BACH1: variants seen among roughly 807,000 people sequenced by gnomAD.
BACH1 encodes the protein BTB domain and CNC homolog 1.
BACH1 carries 35 observed loss-of-function variants against 52.9 expected under a neutral mutation model. That is an observed-to-expected ratio of 0.66 (90% CI 0.51 to 0.88). The LOEUF (loss-of-function observed/expected upper bound fraction) is 0.88. Among genes scored for constraint, BACH1 ranks in the 40% least tolerant of loss-of-function variants. BACH1 has a pLI of 0.00. For synonymous variants in BACH1, 321 were observed against 319.6 expected (o/e 1.00, Z -0.05); for missense variants, 808 against 872.6 (o/e 0.93, Z 0.93).
intron 4 of BACH1, among the ~76,000 whole-genome samples, chr21:29,338,865 T>C (rs1312531759): frequency 6.6e-6 from 1 of 152,196 alleles, no homozygotes; most frequent in Non-Finnish European, 1.5e-5. Context: ...TAAAAATGTG[T>C]TAACATTTTA....
At chr21:29,303,825 A>G (rs1185074961) in intron 1 of BACH1, among the ~76,000 whole-genome samples, 4 of 149,908 alleles carry the variant, frequency 2.7e-5, no homozygotes, top group East Asian at 1.9e-4. Context: ...AAAATATTCA[A>G]ATATTCATAG....
downstream of BACH1, among the ~76,000 whole-genome samples, chr21:29,350,814 G>A (rs751696781): frequency 4.6e-5 from 7 of 152,146 alleles, no homozygotes; most frequent in South Asian, 2.1e-4. Flanking sequence ...AAGGAATTAC[G>A]TGGAGGCAGA....
intron 4 of BACH1, among the ~76,000 whole-genome samples, chr21:29,341,534 C>T (rs2123474814): frequency 6.6e-6 from 1 of 152,246 alleles, no homozygotes; most frequent in East Asian, 1.9e-4. Context: ...TGATAAGTGA[C>T]ATGGACAGGA....
chr21:29,342,701 G>A lies in BACH1; in HGVS notation c.2079G>A (p.Ala693=), dbSNP rs773179436. ...CARGNSEPGY[A]RGQESQQMST... is the part of the protein sequence containing the mutation. ...GAGGAAACAGTGAGCCTGGCTACGC[G>A]CGAGGGCAGGAGTCCCAGCAGATGT... Residue 693 remains alanine, a synonymous_variant, in exon 5 of 5, where the codon GCG becomes GCA. Coordinates refer to ENST00000286800, the MANE Select transcript of BACH1 (RefSeq NM_001186.4). 15 of 1,614,084 alleles carry A rather than the reference G, an allele frequency of 9.3e-6. No individual in the cohort carries two copies. The highest frequency in any genetic ancestry group is 6.7e-5 in the African/African-American group (5 of 74,940).
downstream of BACH1, among the ~76,000 whole-genome samples, chr21:29,348,981 C>G (rs1336958436): frequency 1.3e-5 from 2 of 151,982 alleles, no homozygotes; most frequent in Non-Finnish European, 2.9e-5. Context: ...GTAGTCCCAG[C>G]TACTCAGGAG....
At chr21:29,302,165 C>A (rs768721016) in intron 1 of BACH1, among the ~76,000 whole-genome samples, 8 of 152,170 alleles carry the variant, frequency 5.3e-5, no homozygotes, top group Admixed American at 6.5e-5. Context: ...ATTCCCTGAG[C>A]ATTCTAGACA....
intron 4 of BACH1, among the ~76,000 whole-genome samples, chr21:29,332,097 T>TAAGA (rs1305495390): frequency 6.6e-6 from 1 of 152,000 alleles, no homozygotes; most frequent in Non-Finnish European, 1.5e-5. Context: ...CACACCCAAC[T>TAAGA]AATTTTTTGT....
chr21:29,347,068 GA>G (rs2089173596), downstream of BACH1, among the ~76,000 whole-genome samples: 1 of 152,198 alleles, frequency 6.6e-6, no homozygotes, highest in African/African-American at 2.4e-5. Context: ...AAGAGCAACA[GA>G]AGTATAGGTA....
intron 1 of BACH1, among the ~76,000 whole-genome samples, chr21:29,313,172 CACTA>C (rs756524507): frequency 2.6e-5 from 4 of 152,052 alleles, no homozygotes; most frequent in Admixed American, 6.5e-5. Context: ...AATACACTAA[CACTA>C]ACGATAGCTG....
intron 2 of BACH1, among the ~76,000 whole-genome samples, chr21:29,360,067 C>T (rs1601380281): frequency 6.6e-6 from 1 of 152,224 alleles, no homozygotes; most frequent in African/African-American, 2.4e-5. Context: ...TGTCCCTTAT[C>T]TACCTCTGAC....
Position 29,330,873 on chromosome 21 carries a change from A to G in BACH1, c.1776+1180A>G, listed in dbSNP as rs1220845178. 2.0e-5 allele frequency among the ~76,000 whole-genome samples: 3 copies of G among 151,856 alleles called. No homozygotes were observed. The East Asian group carries it at 5.8e-4, about 29-fold the overall frequency. On this transcript the variant is annotated intron_variant, in intron 4 of 4. Coordinates refer to ENST00000286800, the MANE Select transcript of BACH1 (RefSeq NM_001186.4). ...ACTTTGTGTAAAAAGATAAAAAATCATAACTATATTAAAGAGATGAAGCAT... is the reference window on the plus strand; with the variant it reads ...ACTTTGTGTAAAAAGATAAAAAATCGTAACTATATTAAAGAGATGAAGCAT...
intron 1 of BACH1, among the ~76,000 whole-genome samples, chr21:29,315,157 G>GGGT (rs2088771787): frequency 6.6e-6 from 1 of 152,144 alleles, no homozygotes; most frequent in Admixed American, 6.5e-5. Flanking sequence ...GGAGAGTTAA[G>GGGT]GGTGTAGACA....
Position 29,351,991 on chromosome 21 carries a change from G to C in BACH1, c.472+22298G>C, listed in dbSNP as rs1178708392. On this transcript the variant is annotated intron_variant, in intron 2 of 4. Transcript: ENST00000422809. ...TCAGTTACAAATCCAAGCCCCTTCA[G>C]AAAGTACAGGAACTATGGGGAGGAA... Among the ~76,000 whole-genome samples the C allele has an allele frequency of 2.0e-5, 3 of 151,422 alleles. No homozygotes were observed. In the East Asian group the frequency reaches 5.8e-4, roughly 29 times the overall value.
At chr21:29,358,804 A>AAGAAAGAG (rs879356225) in intron 2 of BACH1, among the ~76,000 whole-genome samples, 1 of 129,388 alleles carries the variant, frequency 7.7e-6, no homozygotes. Context: ...GAAAGAAAGA[A>AAGAAAGAG]AGAAAGAAAG....
intron 2 of BACH1, among the ~76,000 whole-genome samples, chr21:29,360,537 T>G (rs920317858): frequency 6.6e-6 from 1 of 152,118 alleles, no homozygotes; most frequent in African/African-American, 2.4e-5. Context: ...GAGGCTCCCC[T>G]GACTGCCCTC....
intron 4 of BACH1, among the ~76,000 whole-genome samples, chr21:29,340,508 T>G (rs954527172): frequency 1.3e-5 from 2 of 152,346 alleles, no homozygotes; most frequent in South Asian, 4.1e-4. Flanking sequence ...ATTTGTAATC[T>G]TCATAGTATC....
At chr21:29,329,387 T>G in intron 3 of BACH1, 100 bp from the exon 4 acceptor site, 1 of 983,088 alleles carries the variant, frequency 1.0e-6, no homozygotes, top group Non-Finnish European at 1.4e-6. Context: ...TAATGTAAAA[T>G]AAGTTCTCTG....
chr21:29,361,580 G>A (rs2089272182), intron 2 of BACH1: 1 of 152,094 alleles, frequency 6.6e-6, no homozygotes, highest in African/African-American at 2.4e-5. Flanking sequence ...CACTACCTAC[G>A]ATCCGATCAC....
intron 1 of BACH1, among the ~76,000 whole-genome samples, chr21:29,303,357 TTC>T (rs1266987973): frequency 6.6e-6 from 1 of 152,226 alleles, no homozygotes; most frequent in Non-Finnish European, 1.5e-5. Context: ...ATCTGTGTCT[TTC>T]TGTTTTATCT....
Sources: allele counts gnomAD v4.1 joint callset (sites outside exome capture counted in the v4.1 genomes callset), GRCh38; gene constraint gnomAD v4.1.1; transcripts MANE v1.5; gene names NCBI Gene and HGNC (gene_info 2026-07-23, HGNC 2026-07-21).